NUBPL: variants seen among roughly 807,000 people sequenced by gnomAD.
NUBPL encodes NUBP iron-sulfur cluster assembly factor, mitochondrial.
In NUBPL, 31 loss-of-function variants were observed where a neutral mutation model predicts 45.7. The ratio of observed to expected loss-of-function variants is 0.68; its 90% confidence interval spans 0.51 to 0.92. The LOEUF is 0.92. Among genes scored for constraint, NUBPL ranks in the 40% least tolerant of loss-of-function variants. The probability of loss-of-function intolerance (pLI) is 0.00; values close to 1 mark genes in which losing one functional copy is unlikely to be tolerated. For missense variants in NUBPL, 401 were observed against 398.7 expected, an observed-to-expected ratio of 1.01 and a Z score of -0.05; for synonymous variants, 144 against 140.9, an observed-to-expected ratio of 1.02 and a Z score of -0.15.
chr14:31,689,801 A>C (rs770025454), intron 6 of NUBPL, among the ~76,000 whole-genome samples: 5 of 152,182 alleles, frequency 3.3e-5, no homozygotes, highest in Non-Finnish European at 5.9e-5. Flanking sequence ...TGGGTTTTAC[A>C]TTTAAGTCTT....
At chr14:31,716,930 G>A (rs986929619) in intron 6 of NUBPL, among the ~76,000 whole-genome samples, 2 of 152,064 alleles carry the variant, frequency 1.3e-5, no homozygotes, top group African/African-American at 4.8e-5. Flanking sequence ...CATCTCTGCT[G>A]CTATCCTTCC....
chr14:31,587,987 C>G (rs2034037677), intron 3 of NUBPL, among the ~76,000 whole-genome samples: 1 of 152,112 alleles, frequency 6.6e-6, no homozygotes, highest in African/African-American at 2.4e-5. Context: ...TTTCCTGCTT[C>G]CGTGCATAAA....
Position 31,568,374 on chromosome 14 carries a change from T to C in NUBPL, c.291+3326T>C, listed in dbSNP as rs532904218. On this transcript the variant is annotated intron_variant, in intron 3 of 10. Coordinates refer to ENST00000281081, the MANE Select transcript of NUBPL (RefSeq NM_025152.3). ...AAAAAGTGCAGCTCGCTGCCAGCAC[T>C]TATTTAACTTTACATAAACACGCCC... Among the ~76,000 whole-genome samples, 5 of 152,358 alleles carry C rather than the reference T, an allele frequency of 3.3e-5. No homozygotes were observed. In the East Asian group the frequency reaches 9.6e-4, roughly 29 times the overall value.
intron 6 of NUBPL, among the ~76,000 whole-genome samples, chr14:31,698,014 T>C (rs1004312180): frequency 6.6e-6 from 1 of 152,134 alleles, no homozygotes; most frequent in Admixed American, 6.5e-5. Context: ...GTAATAAATA[T>C]TATTGGGGAC....
intron 3 of NUBPL, among the ~76,000 whole-genome samples, chr14:31,583,773 T>C (rs1156299241): frequency 6.6e-6 from 1 of 152,090 alleles, no homozygotes; most frequent in African/African-American, 2.4e-5. Flanking sequence ...CATGGTGATA[T>C]CTTGGACTGG....
intron 4 of NUBPL, among the ~76,000 whole-genome samples, chr14:31,632,500 G>T (rs10139622): frequency 0.038 from 5,751 of 152,266 alleles, 152 homozygotes; most frequent in African/African-American, 0.082. Context: ...GAAATATTTG[G>T]CAAAGACAGC....
intron 6 of NUBPL, among the ~76,000 whole-genome samples, chr14:31,724,457 T>C (rs1032549816): frequency 7.2e-3 from 10 of 1,396 alleles, no homozygotes; most frequent in African/African-American, 8.3e-3. Flanking sequence ...TTTAAAAATG[T>C]CCTAAACCTA....
chr14:31,598,360 G>A (rs1220198613), intron 3 of NUBPL, among the ~76,000 whole-genome samples: 2 of 152,080 alleles, frequency 1.3e-5, no homozygotes, highest in Admixed American at 6.5e-5. Flanking sequence ...GAGGGGTTAC[G>A]AGTTTTATTC....
intron 8 of NUBPL, among the ~76,000 whole-genome samples, chr14:31,833,877 A>G (rs2040232041): frequency 6.6e-6 from 1 of 152,212 alleles, no homozygotes; most frequent in African/African-American, 2.4e-5. Flanking sequence ...GCCACATGTC[A>G]TATCTCTCAA....
intron 4 of NUBPL, among the ~76,000 whole-genome samples, chr14:31,647,775 C>T (rs1033937803): frequency 2.0e-5 from 3 of 152,186 alleles, no homozygotes; most frequent in Non-Finnish European, 2.9e-5. Context: ...CCAAGGAACC[C>T]AAGATGGTGG....
chr14:31,564,994 A>G lies in NUBPL; in HGVS notation c.257-20A>G. On this transcript the variant is annotated intron_variant, in intron 2 of 10. Coordinates refer to ENST00000281081, the MANE Select transcript of NUBPL (RefSeq NM_025152.3). ...AGAAGGAAAGTTACTAAATTCAATT[A>G]CTTTTTTTGTTTCTTACAGTGAATC... The G allele has an allele frequency of 1.4e-6, 2 of 1,451,126 alleles. No individual in the cohort carries two copies. The highest frequency in any genetic ancestry group is 1.9e-6 in the Non-Finnish European group (2 of 1,044,758). 89.9% of individuals were successfully genotyped at this position (1,451,126 alleles called of 1,614,324 possible). A position where few individuals can be genotyped will look rare whatever the true frequency, so the allele number is the denominator to read the frequency against.
rs115069479 is a variant in NUBPL, at chr14:31,751,092, A to G, written c.514-36688A>G. Among the ~76,000 whole-genome samples, 423 of 152,180 alleles carry G rather than the reference A, an allele frequency of 2.8e-3. 2 individuals carry two copies. The highest frequency in any genetic ancestry group is 9.2e-3 in the African/African-American group (380 of 41,508). ...GGAAAACCACCTGCATGATTTGATCACCTCCCACCAGGTCCCTCCCTTGAC... is the reference window on the plus strand; with the variant it reads ...GGAAAACCACCTGCATGATTTGATCGCCTCCCACCAGGTCCCTCCCTTGAC... On this transcript the variant is annotated intron_variant, in intron 6 of 10. Transcript: ENST00000281081.
intron 7 of NUBPL, among the ~76,000 whole-genome samples, chr14:31,818,204 T>A (rs1368943550): frequency 6.6e-6 from 1 of 152,088 alleles, no homozygotes; most frequent in Non-Finnish European, 1.5e-5. Context: ...CACACAATAA[T>A]AGTGGGAGAC....
chr14:31,853,523 C>A (rs1369885647), intron 10 of NUBPL, among the ~76,000 whole-genome samples: 1 of 152,132 alleles, frequency 6.6e-6, no homozygotes, highest in Non-Finnish European at 1.5e-5. Context: ...ATTCTCTGCC[C>A]ACAAAATCCT....
chr14:31,679,459 G>A (rs1444849766), intron 6 of NUBPL, among the ~76,000 whole-genome samples: 1 of 151,834 alleles, frequency 6.6e-6, no homozygotes, highest in African/African-American at 2.4e-5. Context: ...GTGAAATAAG[G>A]GTCAATGTTT....
intron 6 of NUBPL, among the ~76,000 whole-genome samples, chr14:31,743,527 G>A (rs567484709): frequency 3.6e-4 from 54 of 152,108 alleles, no homozygotes; most frequent in African/African-American, 1.2e-3. Context: ...TTACAGGCAT[G>A]CACCACCACG....
intron 3 of NUBPL, among the ~76,000 whole-genome samples, chr14:31,594,970 A>G (rs1448183491): frequency 6.6e-6 from 1 of 152,126 alleles, no homozygotes; most frequent in African/African-American, 2.4e-5. Flanking sequence ...ACGTTCTAAG[A>G]TGTTGTTTTG....
chr14:31,729,277 C>CG (rs1209396793), intron 6 of NUBPL, among the ~76,000 whole-genome samples: 1 of 53,908 alleles, frequency 1.9e-5, no homozygotes, highest in Non-Finnish European at 5.4e-5. Flanking sequence ...ATGCTCCATC[C>CG]CCCCCCCCCC....
chr14:31,842,022 C>T (rs1159151049), intron 8 of NUBPL, among the ~76,000 whole-genome samples: 1 of 146,894 alleles, frequency 6.8e-6, no homozygotes, highest in African/African-American at 2.5e-5. Flanking sequence ...GCTCTGCCTC[C>T]CAGGTTCACG....
Sources: allele counts gnomAD v4.1 joint callset (sites outside exome capture counted in the v4.1 genomes callset), GRCh38; gene constraint gnomAD v4.1.1; transcripts MANE v1.5; gene names NCBI Gene and HGNC (gene_info 2026-07-23, HGNC 2026-07-21).